The following ABCA1 variants were observed in gnomAD, a reference collection of about 807,000 sequenced individuals.
ABCA1 encodes phospholipid-transporting ATPase ABCA1.
In ABCA1, 133 loss-of-function variants were observed where a neutral mutation model predicts 262.5. That is an observed-to-expected ratio of 0.51 (90% confidence interval 0.44 to 0.59). The LOEUF (loss-of-function observed/expected upper bound fraction) is 0.59. ABCA1 is among the 20% of genes least tolerant of loss of function. The pLI is 0.00. For missense variants in ABCA1, 2,452 were observed against 2,777.5 expected, an observed-to-expected ratio of 0.88 and a Z score of 2.63; for synonymous variants, 1,022 against 1,043.5, an observed-to-expected ratio of 0.98 and a Z score of 0.40.
intron 5 of ABCA1, among the ~76,000 whole-genome samples, chr9:104,881,598 A>G (rs1838662667): frequency 6.6e-6 from 1 of 152,162 alleles, no homozygotes; most frequent in Non-Finnish European, 1.5e-5. Context: ...TAACTAACCT[A>G]TTCACAAAGT....
Position 104,859,737 on chromosome 9 carries a change from G to A in ABCA1, c.544-1039C>T, listed in dbSNP as rs949037814. 5.3e-5 allele frequency among the ~76,000 whole-genome samples: 8 copies of A among 152,174 alleles called. No homozygotes were observed. In the East Asian group the frequency reaches 1.5e-3, roughly 29 times the overall value. ...CTTGCTGCTAGGCTGTCAGCCTACA[G>A]TTAGTGTCTATGTTTAAGAATACTG... On this transcript the variant is annotated intron_variant, in intron 6 of 49. Transcript: ENST00000374736.
intron 8 of ABCA1, among the ~76,000 whole-genome samples, chr9:104,845,205 T>C (rs1834754600): frequency 6.6e-6 from 1 of 152,190 alleles, no homozygotes; most frequent in Non-Finnish European, 1.5e-5. Flanking sequence ...TATGATTACC[T>C]AGGGGCAAAA....
At chr9:104,823,344 G>A (rs546513454) in intron 18 of ABCA1, among the ~76,000 whole-genome samples, 56 of 152,200 alleles carry the variant, frequency 3.7e-4, no homozygotes, top group African/African-American at 1.2e-3. Flanking sequence ...ACAAATGAGC[G>A]CACATAAAGC....
Position 104,804,660 on chromosome 9 carries a change from G to C in ABCA1, c.4525C>G (p.Leu1509Val), listed in dbSNP as rs752056503. Reference sequence around the variant, plus strand: ...ATGATCTGCACATACGTCTTCACCAGATAATCCGAAATGTTTCTTCCTGTC... The same window carrying C: ...ATGATCTGCACATACGTCTTCACCACATAATCCGAAATGTTTCTTCCTGTC... ...DLTGRNISDYLVKTYVQIIAK... is the reference protein window; with the variant it reads ...DLTGRNISDYVVKTYVQIIAK... Residue 1509 changes from leucine (L) to valine (V), a missense_variant, in exon 32 of 50, where the codon CTG becomes GTG. Coordinates refer to ENST00000374736, the MANE Select transcript of ABCA1 (RefSeq NM_005502.4). 8 of 1,614,080 alleles carry C rather than the reference G, an allele frequency of 5.0e-6. No individual in the cohort carries two copies. The South Asian group carries it at 7.7e-5, about 16-fold the overall frequency.
intron 5 of ABCA1, among the ~76,000 whole-genome samples, chr9:104,864,769 G>C (rs1298946626): frequency 6.6e-6 from 1 of 152,100 alleles, no homozygotes; most frequent in East Asian, 1.9e-4. Context: ...GGGCGACCCA[G>C]GCCACCCCTG....
At position 104,782,914 on chromosome 9, in the gene ABCA1, A is replaced by G. The variant is rs1828630514; in HGVS notation, c.*1401T>C. 6.6e-6 allele frequency: 1 copy of G among 152,272 alleles called. No individual in the cohort carries two copies. The highest frequency in any genetic ancestry group is 2.4e-5 in the African/African-American group (1 of 41,292). The allele number at this position is 152,272 out of a possible 1,614,324, so 9.4% of individuals were successfully genotyped here. ...GGCTCCTACAACCACAAGACAACCT[A>G]TATTTGTAAACCAGTGAGCTGAATA... On this transcript the variant is annotated 3_prime_UTR_variant, in exon 50 of 50. Transcript: ENST00000374736.
At position 104,790,924 on chromosome 9, in the gene ABCA1, A is replaced by G. The variant is rs1829370740; in HGVS notation, c.5925T>C (p.Asn1975=). ...ATACAAGCCACTTCTTTTCTCACCT[A>G]TTTTTGTTAAGGAAAGCATCTCCTC... is the stretch of plus-strand genomic sequence containing the variant. ...VTRGDAFLNK[N]SILSNIHEVH... The change falls in exon 44 of 50, where the codon AAT becomes AAC. Residue 1975 remains asparagine (N), a splice_region_variant and synonymous_variant. Transcript: ENST00000374736. The G allele has an allele frequency of 1.1e-5, 18 of 1,604,632 alleles. No individual in the cohort carries two copies. Among genetic ancestry groups the G allele is most frequent in the Non-Finnish European group, 1.5e-5 (18 of 1,171,676 alleles).
chr9:104,840,197 G>A, intron 9 of ABCA1, 82 bp downstream of exon 9: 1 of 1,609,808 alleles, frequency 6.2e-7, no homozygotes, highest in Non-Finnish European at 8.5e-7. Context: ...CTGCTACAGA[G>A]GGAGGAGATG....
intron 2 of ABCA1, among the ~76,000 whole-genome samples, chr9:104,898,732 C>A (rs754476505): frequency 6.6e-6 from 1 of 152,088 alleles, no homozygotes; most frequent in Non-Finnish European, 1.5e-5. Flanking sequence ...ACCTAGGGGA[C>A]AGGCACCCCC....
intron 40 of ABCA1, among the ~76,000 whole-genome samples, chr9:104,794,171 C>T (rs1174499326): frequency 6.6e-6 from 1 of 152,166 alleles, no homozygotes; most frequent in Non-Finnish European, 1.5e-5. Context: ...TGCCCTTTCA[C>T]TTTTCTCAAT....
At position 104,782,136 on chromosome 9, in the gene ABCA1, G is replaced by A. The variant is rs1828582448; in HGVS notation, c.*2179C>T. On this transcript the variant is annotated 3_prime_UTR_variant, in exon 50 of 50. Transcript: ENST00000374736. ...AATTAGAATACGATTTTAGTAAAATGAGGAAACCATAACTTTGATTTTGAA... is the reference window on the plus strand; with the variant it reads ...AATTAGAATACGATTTTAGTAAAATAAGGAAACCATAACTTTGATTTTGAA... 6.6e-6 allele frequency: 1 copy of A among 152,038 alleles called. No homozygotes were observed. Among genetic ancestry groups the A allele is most frequent in the Admixed American group, 6.5e-5 (1 of 15,268 alleles). 9.4% of individuals were successfully genotyped at this position (152,038 alleles called of 1,614,324 possible).
rs928340581 is a variant in ABCA1, at chr9:104,809,398, G to A, written c.4274+68C>T. On this transcript the variant is annotated intron_variant, in intron 30 of 49. Transcript: ENST00000374736. ...ACAATGTGGCATGCAGTTGATAAAT[G>A]CAGCATATTAGAAATCAAACCAGGC... The A allele has an allele frequency of 6.0e-5, 85 of 1,408,050 alleles. 1 individual carries two copies. Among genetic ancestry groups the A allele is most frequent in the South Asian group, 5.6e-4 (48 of 85,894 alleles). 87.2% of individuals were successfully genotyped at this position (1,408,050 alleles called of 1,614,324 possible). A position where few individuals can be genotyped will look rare whatever the true frequency, so the allele number is the denominator to read the frequency against.
intron 5 of ABCA1, among the ~76,000 whole-genome samples, chr9:104,879,453 G>C (rs1421991496): frequency 1.3e-5 from 2 of 152,338 alleles, no homozygotes; most frequent in East Asian, 3.9e-4. Context: ...TGAGGCCAAA[G>C]AGAGTTGTTT....
intron 8 of ABCA1, among the ~76,000 whole-genome samples, chr9:104,843,358 G>C (rs957773632): frequency 2.0e-5 from 3 of 152,178 alleles, no homozygotes; most frequent in Middle Eastern, 3.2e-3. Context: ...TGAAACTCAG[G>C]TCAGCTTTCA....
At chr9:104,820,288 C>T (rs1393181795) in intron 20 of ABCA1, among the ~76,000 whole-genome samples, 6 of 152,216 alleles carry the variant, frequency 3.9e-5, no homozygotes, top group African/African-American at 1.2e-4. Flanking sequence ...GGTGACAGAT[C>T]GCTTCCAACC....
intron 36 of ABCA1, 123 bp from the exon 37 acceptor site, chr9:104,798,721 C>T: frequency 4.7e-6 from 4 of 856,020 alleles, no homozygotes; most frequent in East Asian, 2.6e-5. Flanking sequence ...TGAGGCACAG[C>T]CCAAGGAAAA....
chr9:104,799,680 G>A (rs1830174869), intron 36 of ABCA1, 139 bp downstream of exon 36: 1 of 1,552,716 alleles, frequency 6.4e-7, no homozygotes, highest in Non-Finnish European at 8.7e-7. Context: ...CTTCTGCCCA[G>A]AGCCTGGATC....
intron 5 of ABCA1, among the ~76,000 whole-genome samples, chr9:104,880,066 A>C (rs778950075): frequency 9.2e-5 from 14 of 152,192 alleles, no homozygotes; most frequent in Non-Finnish European, 2.1e-4. Flanking sequence ...TAACAATTAG[A>C]GCTGTCAACA....
At chr9:104,869,150 C>A (rs539497565) in intron 5 of ABCA1, among the ~76,000 whole-genome samples, 1 of 152,152 alleles carries the variant, frequency 6.6e-6, no homozygotes, top group Non-Finnish European at 1.5e-5. Flanking sequence ...CAGTCCCCAG[C>A]TCAGGTTTCA....
Sources: allele counts gnomAD v4.1 joint callset (sites outside exome capture counted in the v4.1 genomes callset), GRCh38; gene constraint gnomAD v4.1.1; transcripts MANE v1.5; gene names NCBI Gene and HGNC (gene_info 2026-07-23, HGNC 2026-07-21).